The following DIP2A variants were observed in gnomAD, a reference collection of about 807,000 sequenced individuals.
DIP2A encodes DIP2 acetate--CoA ligase A.
In DIP2A, 85 loss-of-function variants were observed where a neutral mutation model predicts 177.4. That is an observed-to-expected ratio of 0.48 (90% CI 0.40 to 0.57). The LOEUF is 0.57. Ranked by LOEUF, DIP2A falls within the 20% of genes least tolerant of loss-of-function variation. The pLI is 0.00. For missense variants in DIP2A, 1,791 were observed against 2,100.2 expected (o/e 0.85, Z 2.88); for synonymous variants, 886 against 881.8 (o/e 1.00, Z -0.08).
chr21:46,496,916 A>T, intron 3 of DIP2A, 72 bp from the exon 4 acceptor site: 1 of 1,452,982 alleles, frequency 6.9e-7, no homozygotes, highest in Non-Finnish European at 9.1e-7. Flanking sequence ...ACAAACAAAA[A>T]CATGAAACTT....
intron 3 of DIP2A, among the ~76,000 whole-genome samples, chr21:46,496,457 A>G (rs953273431): frequency 7.9e-5 from 12 of 152,214 alleles, no homozygotes; most frequent in African/African-American, 2.9e-4. Context: ...GTCAGCTGCA[A>G]TAGTTTAAAC....
chr21:46,525,556 A>G (rs1351505079), intron 8 of DIP2A: 1 of 152,152 alleles, frequency 6.6e-6, no homozygotes, highest in Non-Finnish European at 1.5e-5. Flanking sequence ...TAGTTTTATA[A>G]TAAGTCTTGA....
chr21:46,534,221 A>G (rs2059467339), intron 12 of DIP2A, 108 bp downstream of exon 12: 1 of 892,442 alleles, frequency 1.1e-6, no homozygotes, highest in Non-Finnish European at 1.7e-6. Flanking sequence ...GTTTCGGCCT[A>G]AGAGTTCTTG....
the DIP2A span, among the ~76,000 whole-genome samples, chr21:46,581,931 G>A: frequency 2.9e-3 from 439 of 152,314 alleles, 2 homozygotes; most frequent in African/African-American, 1.0e-2. Context: ...CTTGGGATCC[G>A]AGGCCTGCTT....
intron 1 of DIP2A, among the ~76,000 whole-genome samples, chr21:46,477,574 T>TGTGTGTGTGTGTGTGTGTA (rs1292980032): frequency 3.2e-5 from 3 of 93,724 alleles, no homozygotes; most frequent in Non-Finnish European, 7.6e-5. Context: ...TGTGTATTTC[T>TGTGTGTGTGTGTGTGTGTA]TTTTTTTTTT....
chr21:46,507,861 T>C (rs890717002), intron 6 of DIP2A, among the ~76,000 whole-genome samples: 1 of 151,126 alleles, frequency 6.6e-6, no homozygotes, highest in African/African-American at 2.4e-5. Context: ...CCACCACACT[T>C]GGCTAATTTT....
rs1418669944 is a variant in DIP2A, at chr21:46,569,632, A to G, written c.*2010A>G. 1 of 152,238 alleles carries G rather than the reference A, an allele frequency of 6.6e-6. No individual in the cohort carries two copies. Among genetic ancestry groups the G allele is most frequent in the African/African-American group, 2.4e-5 (1 of 41,472 alleles). The allele number at this position is 152,238 out of a possible 1,614,324, so 9.4% of individuals were successfully genotyped here. A position where few individuals can be genotyped will look rare whatever the true frequency, so the allele number is the denominator to read the frequency against. On this transcript the variant is annotated 3_prime_UTR_variant, in exon 38 of 38. Coordinates refer to ENST00000417564, the MANE Select transcript of DIP2A (RefSeq NM_015151.4). ...TTTAAGAAGTGCATTAAAATGTTTT[A>G]GAATTACTCTGGGAATTCTGTATAT... is the stretch of plus-strand genomic sequence containing the variant.
In DIP2A at chr21:46,537,844, C is replaced by T. The variant is rs1271294491; in HGVS notation, c.1801+305C>T. Among the ~76,000 whole-genome samples the T allele has an allele frequency of 2.0e-5, 3 of 152,154 alleles. No individual in the cohort carries two copies. Among genetic ancestry groups the T allele is most frequent in the African/African-American group, 7.2e-5 (3 of 41,422 alleles). ...AGCAGGAGGCCCCAGCATGGCCACA[C>T]CTGCACAGTTGGCAGTCTGTGTCTC... On this transcript the variant is annotated intron_variant, in intron 15 of 37. Coordinates refer to ENST00000417564, the MANE Select transcript of DIP2A (RefSeq NM_015151.4). This position sits in a 1 kb window ranked among gnomAD's most constrained non-coding sequence, Gnocchi z 4.1.
At chr21:46,487,746 C>T (rs2056776718) in intron 2 of DIP2A, among the ~76,000 whole-genome samples, 1 of 152,158 alleles carries the variant, frequency 6.6e-6, no homozygotes, top group African/African-American at 2.4e-5. Context: ...CTTATTAATG[C>T]ATTTGGTAAG....
chr21:46,497,958 A>T (rs2839295), intron 4 of DIP2A, among the ~76,000 whole-genome samples: 40,762 of 152,174 alleles, frequency 0.27, 5,581 homozygotes, highest in East Asian at 0.43. Context: ...AATGAAACAC[A>T]CAGTCATGCT....
In DIP2A at chr21:46,498,770, G is replaced by A; in HGVS notation, c.592G>A (p.Ala198Thr). Residue 198 changes from alanine to threonine, a missense_variant, in exon 5 of 38, where the codon GCA becomes ACA. Ala to Thr is a moderately conservative substitution (Grantham distance 58). Transcript: ENST00000417564. The surrounding 1 kb of genome is among the most constrained non-coding windows in gnomAD (Gnocchi z 4.3). Reference protein sequence around the residue: ...GGRPTTAPSAAATPGAAATTA... With the variant: ...GGRPTTAPSATATPGAAATTA... ...GAGACCCACCACTGCTCCCAGTGCT[G>A]CAGCCACGCCGGGGGCCGCCGCTAC... The A allele has an allele frequency of 6.2e-7, 1 of 1,613,700 alleles. No homozygotes were observed. Among genetic ancestry groups the A allele is most frequent in the Non-Finnish European group, 8.5e-7 (1 of 1,179,862 alleles).
intron 9 of DIP2A, among the ~76,000 whole-genome samples, chr21:46,530,095 A>G (rs1001669292): frequency 6.6e-6 from 1 of 152,230 alleles, no homozygotes; most frequent in South Asian, 2.1e-4. Context: ...CTGTCATCAT[A>G]GAAACTTCTG....
intron 19 of DIP2A, 127 bp downstream of exon 19, chr21:46,545,400 T>A: frequency 6.1e-6 from 7 of 1,144,834 alleles, no homozygotes; most frequent in Non-Finnish European, 8.6e-6. Context: ...CAGGCGCTGC[T>A]GGGGCTGTTG....
At position 46,568,741 on chromosome 21, in the gene DIP2A, A is replaced by T. The variant is rs1317303179; in HGVS notation, c.*1119A>T. 6.6e-6 allele frequency: 1 copy of T among 152,198 alleles called. No homozygotes were observed. Among genetic ancestry groups the T allele is most frequent in the African/African-American group, 2.4e-5 (1 of 41,434 alleles). 9.4% of individuals were successfully genotyped at this position (152,198 alleles called of 1,614,324 possible). A position where few individuals can be genotyped will look rare whatever the true frequency, so the allele number is the denominator to read the frequency against. On this transcript the variant is annotated 3_prime_UTR_variant, in exon 38 of 38. Coordinates refer to ENST00000417564, the MANE Select transcript of DIP2A (RefSeq NM_015151.4). ...TCTTCTCGTGGAAGTGTACTGATTT[A>T]TTATTTTTATTCCAAGTCAGCAGAT...
chr21:46,565,909 C>G (rs2148924071), intron 36 of DIP2A, 22 bp downstream of exon 36: 3 of 1,613,064 alleles, frequency 1.9e-6, no homozygotes, highest in Non-Finnish European at 2.5e-6. Context: ...TGGTGAAGCC[C>G]TGCGTGAGTG....
intron 32 of DIP2A, 42 bp from the exon 33 acceptor site, chr21:46,560,680 T>TG: frequency 6.3e-7 from 1 of 1,578,306 alleles, no homozygotes; most frequent in Non-Finnish European, 8.6e-7. Flanking sequence ...AGATGTTAAG[T>TG]GAGGCCCCTG....
intron 8 of DIP2A, among the ~76,000 whole-genome samples, chr21:46,516,150 G>T (rs1301836413): frequency 6.6e-6 from 1 of 152,038 alleles, no homozygotes; most frequent in Non-Finnish European, 1.5e-5. Context: ...TATTTGAATT[G>T]CAGCCGTCTT....
intron 1 of DIP2A, among the ~76,000 whole-genome samples, chr21:46,473,223 A>G (rs954423129): frequency 2.0e-5 from 3 of 152,088 alleles, no homozygotes; most frequent in African/African-American, 4.8e-5. Context: ...ACAGATGTCA[A>G]TTTCCTATTT....
intron 5 of DIP2A, among the ~76,000 whole-genome samples, chr21:46,500,435 C>G (rs890819345): frequency 6.6e-6 from 1 of 152,202 alleles, no homozygotes; most frequent in Non-Finnish European, 1.5e-5. Context: ...AGCTTTTGCA[C>G]TGTTGTTTGC....
Sources: gnomAD v4.1 joint callset for allele counts (sites outside exome capture counted in the v4.1 genomes callset) on GRCh38, gnomAD v4.1.1 for gene constraint, Gnocchi (gnomAD v3.1) non-coding constraint, MANE v1.5 for transcripts, NCBI Gene and HGNC (gene_info 2026-07-23, HGNC 2026-07-21) for gene names.